Variants in KATNAL2 observed in about 807,000 individuals in gnomAD.
The protein encoded by KATNAL2 is katanin p60 ATPase-containing subunit A-like 2.
A neutral mutation model predicts 76.3 loss-of-function variants in KATNAL2; 52 were observed. That is an observed-to-expected ratio of 0.68 (90% CI 0.55 to 0.86). The LOEUF is 0.86. KATNAL2 is among the 40% of genes least tolerant of loss of function. The probability of loss-of-function intolerance (pLI) is 0.00; values close to 1 mark genes in which losing one functional copy is unlikely to be tolerated. For missense variants in KATNAL2, 660 were observed against 668.9 expected, an observed-to-expected ratio of 0.99 and a Z score of 0.15; for synonymous variants, 243 against 244.2, an observed-to-expected ratio of 1.00 and a Z score of 0.05.
chr18:46,943,577 G>A (rs553449315), intron 1 of KATNAL2, among the ~76,000 whole-genome samples: 1 of 152,292 alleles, frequency 6.6e-6, no homozygotes, highest in South Asian at 2.1e-4. Flanking sequence ...GTCTAAAAAG[G>A]GGAGGCATGA....
chr18:47,034,762 T>G (rs780160438), intron 3 of KATNAL2: 2 of 1,612,692 alleles, frequency 1.2e-6, no homozygotes, highest in East Asian at 2.2e-5. Context: ...AGAGGCCCGA[T>G]AGCGGCCGGA....
chr18:47,059,465 C>A, intron 7 of KATNAL2, 91 bp from the exon 8 acceptor site: 1 of 842,830 alleles, frequency 1.2e-6, no homozygotes, highest in Non-Finnish European at 2.0e-6. Flanking sequence ...TGCTATCCAG[C>A]ATCGGACTTT....
chr18:47,069,886 G>A (rs1468872432), intron 13 of KATNAL2, among the ~76,000 whole-genome samples: 4 of 152,098 alleles, frequency 2.6e-5, no homozygotes, highest in East Asian at 1.9e-4. Flanking sequence ...AATCTCTGAC[G>A]TGGCATATTT....
rs991840386 is a variant in KATNAL2, at chr18:46,962,277, C to T, written c.51+15354C>T. ...CGGCCTCCCAGAGGAGGATGGCCGA[C>T]GATTACAGGATCATGCCCGGCCTTT... On this transcript the variant is annotated intron_variant, in intron 3 of 17. Coordinates refer to ENST00000683218, the MANE Select transcript of KATNAL2 (RefSeq NM_001387690.1). 3.0e-5 allele frequency among the ~76,000 whole-genome samples: 4 copies of T among 131,224 alleles called. 1 individual carries two copies. Among genetic ancestry groups the T allele is most frequent in the African/African-American group, 9.9e-5 (3 of 30,448 alleles). The allele number at this position is 131,224 out of a possible 152,430, so 86.1% of individuals were successfully genotyped here.
At chr18:47,066,281 A>G (rs2061789249) in intron 10 of KATNAL2, among the ~76,000 whole-genome samples, 1 of 152,174 alleles carries the variant, frequency 6.6e-6, no homozygotes, top group South Asian at 2.1e-4. Context: ...CTACTGAGAA[A>G]GGCCCCTTAG....
At chr18:46,962,041 C>CAA (rs2059989676) in intron 3 of KATNAL2, among the ~76,000 whole-genome samples, 1 of 152,170 alleles carries the variant, frequency 6.6e-6, no homozygotes, top group Admixed American at 6.5e-5. Context: ...GTTAGTCCTT[C>CAA]CAAAAATATA....
At chr18:46,961,483 A>T (rs770340750) in intron 3 of KATNAL2, among the ~76,000 whole-genome samples, 1 of 152,358 alleles carries the variant, frequency 6.6e-6, no homozygotes, top group Non-Finnish European at 1.5e-5. Context: ...AAAAACTTTT[A>T]TCATTTGTAG....
intron 1 of KATNAL2, among the ~76,000 whole-genome samples, chr18:46,940,576 A>G (rs984070606): frequency 1.3e-5 from 2 of 152,188 alleles, no homozygotes; most frequent in Admixed American, 6.6e-5. Context: ...AGGCAGGCAC[A>G]TTTCTTGTCA....
At chr18:46,937,707 T>C (rs189705083) in intron 1 of KATNAL2, among the ~76,000 whole-genome samples, 2 of 152,292 alleles carry the variant, frequency 1.3e-5, no homozygotes. Flanking sequence ...CTAGGAGACA[T>C]GTACAAGGAT....
At chr18:47,043,869 G>T (rs1433183892) in intron 3 of KATNAL2, among the ~76,000 whole-genome samples, 2 of 151,778 alleles carry the variant, frequency 1.3e-5, no homozygotes, top group African/African-American at 2.4e-5. Context: ...TGGTATTTTT[G>T]GCTCCACAGT....
intron 4 of KATNAL2, among the ~76,000 whole-genome samples, chr18:47,052,506 A>T (rs1299554899): frequency 6.6e-6 from 1 of 152,212 alleles, no homozygotes; most frequent in African/African-American, 2.4e-5. Context: ...AATACCTGTG[A>T]ATAAAGAGGT....
chr18:46,920,319 C>T (rs932370828), intron 1 of KATNAL2, among the ~76,000 whole-genome samples: 1 of 152,156 alleles, frequency 6.6e-6, no homozygotes, highest in Non-Finnish European at 1.5e-5. Flanking sequence ...GTAGGCTAAT[C>T]AGAGGGAAGC....
intron 3 of KATNAL2, among the ~76,000 whole-genome samples, chr18:47,041,308 A>G (rs1377377734): frequency 6.6e-6 from 1 of 152,184 alleles, no homozygotes; most frequent in Non-Finnish European, 1.5e-5. Flanking sequence ...ACTATAATCT[A>G]TCATATAGAA....
intron 3 of KATNAL2, among the ~76,000 whole-genome samples, chr18:46,957,296 C>A (rs1209237135): frequency 1.4e-5 from 2 of 145,666 alleles, no homozygotes; most frequent in African/African-American, 5.1e-5. Context: ...CGCTGTCGCC[C>A]AGGCTGGAGT....
rs879867108 is a variant in KATNAL2 at position 46,946,040 on chromosome 18, C to CTT, written c.-509-6_-509-5dup. The CTT allele has an allele frequency of 4.0e-4, 92 of 230,184 alleles. No individual in the cohort carries two copies. Among genetic ancestry groups the CTT allele is most frequent in the Middle Eastern group, 1.7e-3 (1 of 594 alleles). 14.3% of individuals were successfully genotyped at this position (230,184 alleles called of 1,614,324 possible). ...TGATTCAGTTCAACACTTACGAGAA[C>CTT]TTTTTTTTTTTTGTAGATTGAGGAA... On this transcript the variant is annotated splice_polypyrimidine_tract_variant and intron_variant, in intron 1 of 17. Transcript: ENST00000683218.
At chr18:46,961,321 G>C (rs983363514) in intron 3 of KATNAL2, among the ~76,000 whole-genome samples, 1 of 152,128 alleles carries the variant, frequency 6.6e-6, no homozygotes, top group African/African-American at 2.4e-5. Context: ...GAGAAGTGGT[G>C]GTCCCCACCT....
chr18:46,944,953 G>C (rs548583497), intron 1 of KATNAL2, among the ~76,000 whole-genome samples: 2 of 151,812 alleles, frequency 1.3e-5, no homozygotes, highest in East Asian at 3.9e-4. Context: ...AATAAATAAA[G>C]TATACAGGAT....
rs149243298 is a variant in KATNAL2, at chr18:47,057,299, G to A, written c.333-936G>A. 6.4e-3 allele frequency among the ~76,000 whole-genome samples: 968 copies of A among 152,310 alleles called. 6 individuals are homozygous for A. Among genetic ancestry groups the A allele is most frequent in the Non-Finnish European group, 9.9e-3 (673 of 68,026 alleles). ...CTAAGAGAACTAAGCAACAATGTGG[G>A]AGTTCATGTTCTGCCCCCACAAGCT... is the stretch of plus-strand genomic sequence containing the variant. On this transcript the variant is annotated intron_variant, in intron 6 of 17. Coordinates refer to ENST00000683218, the MANE Select transcript of KATNAL2 (RefSeq NM_001387690.1).
At chr18:47,079,803 T>C (rs1568007259) in intron 15 of KATNAL2, among the ~76,000 whole-genome samples, 1 of 152,192 alleles carries the variant, frequency 6.6e-6, no homozygotes, top group Non-Finnish European at 1.5e-5. Context: ...AAAGGTTAGA[T>C]AGATTATATT....
Sources: gnomAD v4.1 joint callset for allele counts (sites outside exome capture counted in the v4.1 genomes callset) on GRCh38, gnomAD v4.1.1 for gene constraint, MANE v1.5 for transcripts, NCBI Gene and HGNC (gene_info 2026-07-23, HGNC 2026-07-21) for gene names.